KIAA1217: variants seen among roughly 807,000 people sequenced by gnomAD.
KIAA1217 encodes KIAA1217.
Under a neutral mutation model 163.9 loss-of-function variants are expected in KIAA1217, and 88 were observed. That is an observed-to-expected ratio of 0.54 (90% CI 0.45 to 0.64). The LOEUF (loss-of-function observed/expected upper bound fraction) is 0.64. Among genes scored for constraint, KIAA1217 ranks in the 30% least tolerant of loss-of-function variants. The pLI is 0.00. For synonymous variants in KIAA1217, 903 were observed against 923.1 expected (o/e 0.98, Z 0.39); for missense variants, 2,372 against 2,475.0 (o/e 0.96, Z 0.88).
chr10:24,308,136 T>A (rs1335180953), intron 2 of KIAA1217, among the ~76,000 whole-genome samples: 1 of 152,250 alleles, frequency 6.6e-6, no homozygotes, highest in Non-Finnish European at 1.5e-5. Flanking sequence ...CCCACTCTAT[T>A]GCTAAGCTGT....
chr10:23,752,350 C>A (rs1169499888), intron 1 of KIAA1217, among the ~76,000 whole-genome samples: 1 of 152,080 alleles, frequency 6.6e-6, no homozygotes, highest in Non-Finnish European at 1.5e-5. Flanking sequence ...TGGGCTTAAG[C>A]AAGTCTCTTT....
rs771372152 is a variant in KIAA1217 at position 24,545,016 on chromosome 10, T to G, written c.5247T>G (p.Pro1749=). The change falls in exon 20 of 21, where the codon CCT becomes CCG. Residue 1749 remains proline (P), a synonymous_variant. Transcript: ENST00000376454. ...SSGAPQTSRM[P]VPMSAKNRPG... ...GGGCCCCACAGACGAGCAGGATGCCTGTCCCCATGAGTGCCAAGAACAGAC... is the reference window on the plus strand; with the variant it reads ...GGGCCCCACAGACGAGCAGGATGCCGGTCCCCATGAGTGCCAAGAACAGAC... The G allele has an allele frequency of 1.9e-6, 3 of 1,614,098 alleles. No homozygotes were observed. Among genetic ancestry groups the G allele is most frequent in the Admixed American group, 3.3e-5 (2 of 60,008 alleles).
intron 2 of KIAA1217, among the ~76,000 whole-genome samples, chr10:24,256,121 G>A (rs1195066861): frequency 6.6e-6 from 1 of 151,594 alleles, no homozygotes; most frequent in Non-Finnish European, 1.5e-5. Flanking sequence ...ACTTTGCTTA[G>A]GAGTTTCTAA....
In KIAA1217 at chr10:23,931,215, A is replaced by C. The variant is rs570856134; in HGVS notation, c.-320-76010A>C. Among the ~76,000 whole-genome samples, 217 of 152,196 alleles carry C rather than the reference A, an allele frequency of 1.4e-3. 3 individuals are homozygous for C. The highest frequency in any genetic ancestry group is 4.8e-3 in the African/African-American group (201 of 41,538). On this transcript the variant is annotated intron_variant, in intron 1 of 18. Coordinates refer to the KIAA1217 transcript ENST00000376462. ...ATGGATGTTCTTGTATAATTCCTAC[A>C]ATAATTCTGAGTGATAGGTATCAGC...
At chr10:23,828,270 G>A (rs1837999634) in intron 1 of KIAA1217, among the ~76,000 whole-genome samples, 1 of 152,094 alleles carries the variant, frequency 6.6e-6, no homozygotes, top group African/African-American at 2.4e-5. Flanking sequence ...CTGGGAGATA[G>A]GCATAGAGTT....
intron 2 of KIAA1217, among the ~76,000 whole-genome samples, chr10:24,314,194 G>A (rs574310106): frequency 7.9e-5 from 12 of 152,126 alleles, no homozygotes; most frequent in African/African-American, 2.9e-4. Context: ...AAGTCCTATT[G>A]CCTTAACTCC....
intron 2 of KIAA1217, among the ~76,000 whole-genome samples, chr10:24,048,351 T>C (rs1213806020): frequency 6.6e-6 from 1 of 152,232 alleles, no homozygotes; most frequent in Non-Finnish European, 1.5e-5. Context: ...TTTCTCCAAT[T>C]AAATATAGTA....
intron 6 of KIAA1217, among the ~76,000 whole-genome samples, chr10:24,489,907 G>A (rs1428479554): frequency 6.8e-6 from 1 of 146,526 alleles, no homozygotes; most frequent in Admixed American, 6.8e-5. Context: ...TGGAGTCATT[G>A]GCTAAAAATC....
In KIAA1217 at chr10:23,695,085, A is replaced by T. The variant is rs1835938381; in HGVS notation, c.-470A>T. On this transcript the variant is annotated 5_prime_UTR_variant, in exon 1 of 19. Transcript: ENST00000376462. The surrounding 1 kb of genome is among the most constrained non-coding windows in gnomAD (Gnocchi z 4.9). ...TCGGCCCCAGACTCGGGCCCCCGGC[A>T]CGCTCGCCCGGGAGATACCCCTTCC... is the stretch of plus-strand genomic sequence containing the variant. 1 of 152,250 alleles carries T rather than the reference A, an allele frequency of 6.6e-6. No homozygotes were observed. The highest frequency in any genetic ancestry group is 2.4e-5 in the African/African-American group (1 of 41,450). 9.4% of individuals were successfully genotyped at this position (152,250 alleles called of 1,614,324 possible).
intron 8 of KIAA1217, among the ~76,000 whole-genome samples, chr10:24,500,480 T>C (rs1374985801): frequency 2.0e-5 from 3 of 152,100 alleles, no homozygotes; most frequent in Non-Finnish European, 2.9e-5. Flanking sequence ...TAGAATTGCA[T>C]TGTCCTTTTT....
chr10:24,429,977 T>TA (rs1041901542), intron 3 of KIAA1217, among the ~76,000 whole-genome samples: 10 of 151,738 alleles, frequency 6.6e-5, no homozygotes, highest in African/African-American at 1.4e-4. Context: ...ACCCCATCAC[T>TA]AAAAAAAATA....
At chr10:23,995,449 C>CCT (rs1401844325) in intron 1 of KIAA1217, among the ~76,000 whole-genome samples, 8 of 79,586 alleles carry the variant, frequency 1.0e-4, no homozygotes, top group African/African-American at 4.0e-4. Flanking sequence ...CCAATTATGG[C>CCT]CTGTGTGTGT....
chr10:23,896,084 T>C, intron 1 of KIAA1217, among the ~76,000 whole-genome samples: 1 of 151,742 alleles, frequency 6.6e-6, no homozygotes, highest in East Asian at 1.9e-4. Context: ...ATGGCACATG[T>C]ATACATATGT....
chr10:24,212,978 A>G (rs1223791565), intron 1 of KIAA1217, among the ~76,000 whole-genome samples: 2 of 152,186 alleles, frequency 1.3e-5, no homozygotes, highest in Admixed American at 6.5e-5. Flanking sequence ...TAGGGTGATC[A>G]TGTAACTTAC....
In KIAA1217 at chr10:24,148,489, A is replaced by G. The variant is rs1450844247; in HGVS notation, c.-170-71137A>G. Among the ~76,000 whole-genome samples, 2 of 152,146 alleles carry G rather than the reference A, an allele frequency of 1.3e-5. 1 individual carries two copies. Among genetic ancestry groups the G allele is most frequent in the East Asian group, 3.8e-4 (2 of 5,198 alleles). On this transcript the variant is annotated intron_variant, in intron 2 of 18. Coordinates refer to the KIAA1217 transcript ENST00000376462. ...GGAGGTGACTGGGTCATGGGAGTGG[A>G]TCCCTCATGAATAGTTTGGCGCTAT...
At chr10:24,098,760 T>TGTGTGTGTGTGTGTG (rs1554865618) in intron 2 of KIAA1217, among the ~76,000 whole-genome samples, 26 of 146,890 alleles carry the variant, frequency 1.8e-4, no homozygotes, top group African/African-American at 3.6e-4. Context: ...TGTGTGTGTG[T>TGTGTGTGTGTGTGTG]TAGAGAGAGA....
At chr10:23,898,157 A>G (rs930646942) in intron 1 of KIAA1217, among the ~76,000 whole-genome samples, 3 of 152,156 alleles carry the variant, frequency 2.0e-5, no homozygotes, top group East Asian at 3.9e-4. Flanking sequence ...GATTCTAACC[A>G]GGATACCGGG....
intron 1 of KIAA1217, among the ~76,000 whole-genome samples, chr10:23,706,724 T>A (rs12358941): frequency 0.17 from 26,440 of 152,160 alleles, 2,428 homozygotes; most frequent in Middle Eastern, 0.2. Flanking sequence ...CTTGTGATAT[T>A]TTTGTCTGGT....
chr10:23,702,542 T>C (rs1272039853), intron 1 of KIAA1217, among the ~76,000 whole-genome samples: 1 of 152,002 alleles, frequency 6.6e-6, no homozygotes, highest in Non-Finnish European at 1.5e-5. Context: ...GGAAAATGAG[T>C]CTTAATTTGT....
Sources: gnomAD v4.1 joint callset for allele counts (sites outside exome capture counted in the v4.1 genomes callset) on GRCh38, gnomAD v4.1.1 for gene constraint, Gnocchi (gnomAD v3.1) non-coding constraint, MANE v1.5 for transcripts, NCBI Gene and HGNC (gene_info 2026-07-23, HGNC 2026-07-21) for gene names.